Variants in ENOSF1 observed in about 807,000 individuals in gnomAD.
The protein encoded by ENOSF1 is enolase superfamily member 1, also known as mitochondrial enolase superfamily member 1.
ENOSF1 carries 73 observed loss-of-function variants against 68.2 expected under a neutral mutation model. The observed-to-expected ratio is 1.07, with a 90% confidence interval of 0.89 to 1.30. The LOEUF (loss-of-function observed/expected upper bound fraction) is 1.30, where lower values mean the gene tolerates loss of function less well. Among genes scored for constraint, ENOSF1 ranks in the 50% most tolerant of loss-of-function variants. The probability of loss-of-function intolerance (pLI) is 0.00; values close to 1 mark genes in which losing one functional copy is unlikely to be tolerated. For missense variants in ENOSF1, 589 were observed against 554.5 expected, an observed-to-expected ratio of 1.06 and a Z score of -0.62; for synonymous variants, 223 against 210.4, an observed-to-expected ratio of 1.06 and a Z score of -0.52.
intron 2 of ENOSF1, among the ~76,000 whole-genome samples, chr18:704,057 T>C (rs1325150512): frequency 6.6e-6 from 1 of 152,194 alleles, no homozygotes; most frequent in Non-Finnish European, 1.5e-5. Context: ...TCATGCTTTC[T>C]GTAAAACCTG....
chr18:690,707 G>C, intron 7 of ENOSF1, 76 bp from the exon 8 acceptor site: 1 of 1,592,462 alleles, frequency 6.3e-7, no homozygotes, highest in Non-Finnish European at 8.5e-7. Flanking sequence ...TAGCTAAGCT[G>C]TTTCCCCTGG....
At position 675,620 on chromosome 18, in the gene ENOSF1, A is replaced by T. The variant is rs999499083; in HGVS notation, c.1149-218T>A. On this transcript the variant is annotated intron_variant, in intron 14 of 15. Coordinates refer to ENST00000647584, the MANE Select transcript of ENOSF1 (RefSeq NM_017512.7). ...GTGAGGTGGGGACTTTGATGACATG[A>T]ACACACGAAGTCCCTCTAGAGGTTT... 8 of 556,660 alleles carry T rather than the reference A, an allele frequency of 1.4e-5. No homozygotes were observed. In the South Asian group the frequency reaches 1.8e-4, roughly 12 times the overall value. The allele number at this position is 556,660 out of a possible 1,614,324, so 34.5% of individuals were successfully genotyped here. A position where few individuals can be genotyped will look rare whatever the true frequency, so the allele number is the denominator to read the frequency against.
chr18:685,026 A>ATT (rs11384156), intron 10 of ENOSF1, among the ~76,000 whole-genome samples: 3 of 151,694 alleles, frequency 2.0e-5, no homozygotes, highest in Admixed American at 6.6e-5. Context: ...CACCTGGTTA[A>ATT]TTTTTTTTCT....
At chr18:669,085 G>A, downstream of ENOSF1, 1 of 1,614,018 alleles carries the variant, frequency 6.2e-7, no homozygotes, top group South Asian at 1.1e-5. Flanking sequence ...ATTCAGGACA[G>A]GGAGTTGACC....
chr18:696,465 C>A (rs2077746865), intron 3 of ENOSF1, among the ~76,000 whole-genome samples: 1 of 152,038 alleles, frequency 6.6e-6, no homozygotes, highest in Non-Finnish European at 1.5e-5. Context: ...CCTGCCTTGG[C>A]CTCCCAAAGT....
At chr18:704,814 C>T (rs1267227021) in intron 2 of ENOSF1, among the ~76,000 whole-genome samples, 2 of 152,074 alleles carry the variant, frequency 1.3e-5, no homozygotes, top group East Asian at 1.9e-4. Flanking sequence ...CCATGTTGAC[C>T]AGGCTGGTCT....
At position 677,838 on chromosome 18, in the gene ENOSF1, T is replaced by C. The variant is rs1234702955; in HGVS notation, c.953A>G (p.Gln318Arg). ...HNRVIFKQLL[Q>R]AKALQFLQID... ...CTGGAGGAACTGCAGGGCCTTCGCC[T>C]GTAGGAGTTGCTTAAATATCACTCT... Residue 318 changes from glutamine (Q) to arginine (R), a missense_variant, in exon 13 of 16, where the codon CAG (glutamine) becomes CGG (arginine). Physicochemically the swap from Gln to Arg is conservative, Grantham distance 43. Transcript: ENST00000647584. 1.2e-6 allele frequency: 2 copies of C among 1,614,118 alleles called. No homozygotes were observed. The highest frequency in any genetic ancestry group is 1.7e-6 in the Non-Finnish European group (2 of 1,179,998).
intron 13 of ENOSF1, 131 bp from the exon 14 acceptor site, chr18:677,575 CAAGATGAAA>C: frequency 7.8e-7 from 1 of 1,283,028 alleles, no homozygotes; most frequent in South Asian, 1.5e-5. Context: ...AAGGAAATTC[CAAGATGAAA>C]ATCATCAAAA....
chr18:668,706 C>A (rs954411845), downstream of ENOSF1, among the ~76,000 whole-genome samples: 4 of 152,134 alleles, frequency 2.6e-5, no homozygotes, highest in Non-Finnish European at 5.9e-5. Flanking sequence ...TGACAAGAAT[C>A]GCTGATGGGT....
At chr18:706,830 CTTTTTT>C (rs2078998446) in intron 1 of ENOSF1, 1 of 93,950 alleles carries the variant, frequency 1.1e-5, no homozygotes. Context: ...TTTTTTTTTT[CTTTTTT>C]GAGACAGAGT....
At chr18:706,732 A>C in intron 1 of ENOSF1, 154 bp from the exon 2 acceptor site, 1 of 541,448 alleles carries the variant, frequency 1.8e-6, no homozygotes. Context: ...AAAGAAAACA[A>C]AGGGCTCTGA....
intron 9 of ENOSF1, chr18:686,569 C>A (rs1158800787): frequency 6.5e-6 from 1 of 152,960 alleles, no homozygotes; most frequent in Non-Finnish European, 1.5e-5. Context: ...GCAGAGGTCT[C>A]CTTTACACCA....
At chr18:688,739 G>C (rs933502818) in intron 8 of ENOSF1, 131 bp from the exon 9 acceptor site, 7 of 750,380 alleles carry the variant, frequency 9.3e-6, no homozygotes, top group African/African-American at 1.7e-5. Context: ...ATGTGTTGTT[G>C]AAATTAACAG....
chr18:678,467 T>C, intron 12 of ENOSF1: 1 of 521,810 alleles, frequency 1.9e-6, no homozygotes. Flanking sequence ...ATTAGACACT[T>C]TGAAAAAGAT....
intron 2 of ENOSF1, among the ~76,000 whole-genome samples, chr18:699,906 C>A (rs1376184446): frequency 6.6e-6 from 1 of 152,158 alleles, no homozygotes; most frequent in Non-Finnish European, 1.5e-5. Context: ...ATGGTGAAAC[C>A]CCATCTCTAC....
chr18:690,443 C>T (rs1344357271), intron 8 of ENOSF1, 106 bp downstream of exon 8: 4 of 1,254,554 alleles, frequency 3.2e-6, no homozygotes, highest in Non-Finnish European at 4.6e-6. Flanking sequence ...CCACACACAT[C>T]TGGTGTCAGA....
chr18:701,250 C>T (rs2078309513), intron 2 of ENOSF1, among the ~76,000 whole-genome samples: 1 of 152,022 alleles, frequency 6.6e-6, no homozygotes, highest in Non-Finnish European at 1.5e-5. Flanking sequence ...GTGTCCAAAC[C>T]TAAGAGTGAC....
chr18:667,137 T>A (rs200205499), downstream of ENOSF1, among the ~76,000 whole-genome samples: 45 of 61,068 alleles, frequency 7.4e-4, no homozygotes, highest in South Asian at 2.2e-3. Flanking sequence ...ATGGAGATGG[T>A]GATGGTGATG....
intron 11 of ENOSF1, among the ~76,000 whole-genome samples, chr18:681,890 T>C (rs767739031): frequency 3.5e-4 from 54 of 152,246 alleles, no homozygotes; most frequent in South Asian, 6.2e-4. Context: ...CCACATAATG[T>C]AGATCATGTG....
Sources: gnomAD v4.1 joint callset for allele counts (sites outside exome capture counted in the v4.1 genomes callset) on GRCh38, gnomAD v4.1.1 for gene constraint, MANE v1.5 for transcripts, NCBI Gene and HGNC (gene_info 2026-07-23, HGNC 2026-07-21) for gene names.